The following WDCP variants were observed in gnomAD, a reference collection of about 807,000 sequenced individuals.
WDCP encodes WD repeat and coiled-coil-containing protein.
Under a neutral mutation model 41.6 loss-of-function variants are expected in WDCP, and 19 were observed. The observed-to-expected ratio is 0.46, with a 90% CI of 0.32 to 0.67. The LOEUF (loss-of-function observed/expected upper bound fraction) is 0.67. Ranked by LOEUF, WDCP falls within the 30% of genes least tolerant of loss-of-function variation. The pLI is 0.04. For synonymous variants in WDCP, 302 were observed against 320.8 expected (o/e 0.94, Z 0.63); for missense variants, 802 against 850.7 (o/e 0.94, Z 0.71).
At position 24,030,923 on chromosome 2, in the gene WDCP, A is replaced by G. The variant is rs1377904534; in HGVS notation, c.*10T>C. On this transcript the variant is annotated 3_prime_UTR_variant, in exon 4 of 4. Coordinates refer to ENST00000295148, the MANE Select transcript of WDCP (RefSeq NM_025203.3). ...ATCTGAAGAGCTACACAGCAAGGAC[A>G]CTGCAGATATCAAGCCATGCCATCT... 2 of 1,592,276 alleles carry G rather than the reference A, an allele frequency of 1.3e-6. No homozygotes were observed. The highest frequency in any genetic ancestry group is 2.2e-5 in the South Asian group (2 of 90,606).
rs1171086987 is a variant in WDCP, at chr2:24,044,814, C to CT, written c.-19+2499dup. Among the ~76,000 whole-genome samples, 128 of 106,982 alleles carry CT rather than the reference C, an allele frequency of 1.2e-3. No individual in the cohort carries two copies. The Middle Eastern group carries it at 0.019, about 16-fold the overall frequency. The allele number at this position is 106,982 out of a possible 152,430, so 70.2% of individuals were successfully genotyped here. A position where few individuals can be genotyped will look rare whatever the true frequency, so the allele number is the denominator to read the frequency against. ...ACTATGTGTTGTTGGGCAGAATTAT[C>CT]TTTAAAAAAAAAAAAAAAAAAAAAA... On this transcript the variant is annotated intron_variant, in intron 1 of 3. Coordinates refer to ENST00000295148, the MANE Select transcript of WDCP (RefSeq NM_025203.3).
intron 3 of WDCP, among the ~76,000 whole-genome samples, chr2:24,032,386 C>T (rs938813783): frequency 5.3e-5 from 8 of 152,328 alleles, no homozygotes; most frequent in Non-Finnish European, 1.0e-4. Context: ...CCTGTAGTCC[C>T]AGCTACTCAG....
intron 1 of WDCP, among the ~76,000 whole-genome samples, chr2:24,045,169 T>C (rs1476814552): frequency 1.3e-5 from 2 of 152,208 alleles, no homozygotes; most frequent in African/African-American, 2.4e-5. Context: ...ATTCAAGAGA[T>C]GCTTTTAAGG....
chr2:24,039,423 A>G lies in WDCP; in HGVS notation c.72T>C (p.His24=). ...NALHQAVHPI[H]GLAWTDGNQV... ...GATTCCCATCGGTCCAGGCAAGGCC[A>G]TGGATCGGATGCACTGCTTGATGCA... Residue 24 remains histidine (H), a synonymous_variant, in exon 2 of 4, where the codon CAT becomes CAC. Transcript: ENST00000295148. 1 of 1,614,260 alleles carries G rather than the reference A, an allele frequency of 6.2e-7. No individual in the cohort carries two copies. Among genetic ancestry groups the G allele is most frequent in the Non-Finnish European group, 8.5e-7 (1 of 1,180,038 alleles).
In WDCP at chr2:24,030,615, C is replaced by T. The variant is rs557313845; in HGVS notation, c.*318G>A. On this transcript the variant is annotated 3_prime_UTR_variant, in exon 4 of 4. Coordinates refer to ENST00000295148, the MANE Select transcript of WDCP (RefSeq NM_025203.3). ...TCAATGCAGCTTTGGACAAGGGACA[C>T]AAAGCCTCAGAGAAACCATAAAACA... is the stretch of plus-strand genomic sequence containing the variant. 2.1e-4 allele frequency: 53 copies of T among 251,576 alleles called. No individual in the cohort carries two copies. In the Middle Eastern group the frequency reaches 8.0e-3, roughly 38 times the overall value. 15.6% of individuals were successfully genotyped at this position (251,576 alleles called of 1,614,324 possible). A position where few individuals can be genotyped will look rare whatever the true frequency, so the allele number is the denominator to read the frequency against.
intron 1 of WDCP, among the ~76,000 whole-genome samples, chr2:24,044,129 T>C (rs776466103): frequency 6.6e-6 from 1 of 152,210 alleles, no homozygotes; most frequent in African/African-American, 2.4e-5. Context: ...AAATTCCTAA[T>C]GGGCCAATTA....
intron 2 of WDCP, among the ~76,000 whole-genome samples, chr2:24,033,479 C>T (rs72781689): frequency 0.1 from 15,862 of 152,230 alleles, 933 homozygotes; most frequent in Middle Eastern, 0.18. Context: ...CAGTGGCTCA[C>T]CCCTTAGTAC....
chr2:24,035,004 TA>T (rs1663201509), intron 2 of WDCP, among the ~76,000 whole-genome samples: 1 of 151,526 alleles, frequency 6.6e-6, no homozygotes, highest in Admixed American at 6.6e-5. Flanking sequence ...AAAAATAATA[TA>T]TTTTTATATT....
chr2:24,031,987 A>T (rs974920938), intron 3 of WDCP, among the ~76,000 whole-genome samples: 2 of 152,234 alleles, frequency 1.3e-5, no homozygotes, highest in South Asian at 4.1e-4. Flanking sequence ...TAACTTTTCC[A>T]GCTAGGCTGT....
chr2:24,035,898 G>A (rs1466608882), intron 2 of WDCP, among the ~76,000 whole-genome samples: 6 of 151,380 alleles, frequency 4.0e-5, no homozygotes, highest in Non-Finnish European at 5.9e-5. Context: ...GTGAAACCCC[G>A]CCTCTACTAA....
At chr2:24,044,284 C>T (rs775494582) in intron 1 of WDCP, among the ~76,000 whole-genome samples, 8 of 141,214 alleles carry the variant, frequency 5.7e-5, no homozygotes, top group East Asian at 2.1e-4. Context: ...TTGGGGGGGG[C>T]GTGGGGGCAC....
rs1663303515 is a variant in WDCP at position 24,037,850 on chromosome 2, G to T, written c.1645C>A (p.Gln549Lys). 1 of 1,614,164 alleles carries T rather than the reference G, an allele frequency of 6.2e-7. No homozygotes were observed. The highest frequency in any genetic ancestry group is 8.5e-7 in the Non-Finnish European group (1 of 1,180,026). ...PPRLPQRKNL[Q>K]SEKETYQLSK... ...AGCTGATAAGTTTCCTTTTCACTTT[G>T]TAAGTTCTTTCTTTGAGGCAAACGA... Residue 549 changes from glutamine to lysine, a missense_variant, in exon 2 of 4, where the codon CAA (glutamine) becomes AAA (lysine). By Grantham distance (53) the Gln-to-Lys change is moderately conservative. This residue lies in a region of WDCP where 321 missense variants were observed against 305.1 expected (regional missense o/e 1.05). Coordinates refer to ENST00000295148, the MANE Select transcript of WDCP (RefSeq NM_025203.3).
At position 24,031,053 on chromosome 2, in the gene WDCP, G is replaced by T. The variant is rs762277944; in HGVS notation, c.2046C>A (p.Val682=). 1.9e-6 allele frequency: 3 copies of T among 1,614,200 alleles called. No homozygotes were observed. In the Admixed American group the frequency reaches 5.0e-5, roughly 27 times the overall value. ...IRDGSLSRSD[V]FRDSFSHSPG... is the part of the protein sequence containing the mutation. ...GACTGTGAGAAAAAGAGTCTCTGAA[G>T]ACATCTGACCTGGACAGGCTGCCAT... The change falls in exon 4 of 4, where the codon GTC becomes GTA. Residue 682 remains valine (V), a synonymous_variant. Transcript: ENST00000295148.
chr2:24,046,146 G>A (rs1663620018), intron 1 of WDCP, among the ~76,000 whole-genome samples: 1 of 152,006 alleles, frequency 6.6e-6, no homozygotes, highest in Admixed American at 6.6e-5. Flanking sequence ...GGGGAGGAAC[G>A]TGTGTAGTAT....
intron 1 of WDCP, among the ~76,000 whole-genome samples, chr2:24,043,146 C>T (rs1238728738): frequency 6.6e-6 from 1 of 151,984 alleles, no homozygotes; most frequent in Non-Finnish European, 1.5e-5. Flanking sequence ...TCAGCCTGGC[C>T]AACATGGCGA....
rs927759809 is a variant in WDCP, at chr2:24,047,329, C to T, written c.-34G>A. The T allele has an allele frequency of 6.6e-6, 1 of 152,122 alleles. No homozygotes were observed. Among genetic ancestry groups the T allele is most frequent in the African/African-American group, 2.4e-5 (1 of 41,326 alleles). The allele number at this position is 152,122 out of a possible 1,614,324, so 9.4% of individuals were successfully genotyped here. ...GATGAAATACCTTAGGTCTCACTGC[C>T]TCACAAAAACACCAATCTCTCTGTG... On this transcript the variant is annotated 5_prime_UTR_variant, in exon 1 of 4. Transcript: ENST00000295148.
chr2:24,037,701 A>C lies in WDCP; in HGVS notation c.1794T>G (p.Leu598=). 1 of 1,612,848 alleles carries C rather than the reference A, an allele frequency of 6.2e-7. No homozygotes were observed. The highest frequency in any genetic ancestry group is 8.5e-7 in the Non-Finnish European group (1 of 1,179,588). ...SSSVYPLSQD[L]PYVHIIYQKP... Reference sequence around the variant, plus strand: ...CCTGGTAAATGATGTGAACATAAGGAAGATCTTGAGAGAGTGGATACACTG... The same window carrying C: ...CCTGGTAAATGATGTGAACATAAGGCAGATCTTGAGAGAGTGGATACACTG... Residue 598 remains leucine, a synonymous_variant, in exon 2 of 4, where the codon CTT becomes CTG. Coordinates refer to ENST00000295148, the MANE Select transcript of WDCP (RefSeq NM_025203.3).
rs755167540 is a variant in WDCP at position 24,038,719 on chromosome 2, G to C, written c.776C>G (p.Ser259Cys). The C allele has an allele frequency of 2.5e-6, 4 of 1,614,042 alleles. No homozygotes were observed. The highest frequency in any genetic ancestry group is 4.5e-5 in the East Asian group (2 of 44,898). ...YALPVIGEVRSMDKEATDSET... is the reference protein window; with the variant it reads ...YALPVIGEVRCMDKEATDSET... ...AGAATCAGTTGCCTCTTTATCCATAGAGCGTACTTCACCAATAACTGGTAA... is the reference window on the plus strand; with the variant it reads ...AGAATCAGTTGCCTCTTTATCCATACAGCGTACTTCACCAATAACTGGTAA... The change falls in exon 2 of 4, where the codon TCT (serine) becomes TGT (cysteine). Residue 259 changes from serine (S) to cysteine (C), a missense_variant. Transcript: ENST00000295148.
Position 24,038,727 on chromosome 2 carries a change from T to C in WDCP, c.768A>G (p.Glu256=), listed in dbSNP as rs142256438. ...MTPYALPVIG[E]VRSMDKEATD... ...TTGCCTCTTTATCCATAGAGCGTAC[T>C]TCACCAATAACTGGTAAAGCATACG... The change falls in exon 2 of 4, where the codon GAA becomes GAG. Residue 256 remains glutamate (E), a synonymous_variant. Transcript: ENST00000295148. 57 of 1,614,254 alleles carry C rather than the reference T, an allele frequency of 3.5e-5. No individual in the cohort carries two copies. In the African/African-American group the frequency reaches 7.2e-4, roughly 20 times the overall value.
Sources: gnomAD v4.1 joint callset for allele counts (sites outside exome capture counted in the v4.1 genomes callset) on GRCh38, gnomAD v4.1.1 for gene constraint, gnomAD v4.1.1 regional missense constraint, MANE v1.5 for transcripts, NCBI Gene and HGNC (gene_info 2026-07-23, HGNC 2026-07-21) for gene names.